GABRA3: variants seen among roughly 807,000 people sequenced by gnomAD.
GABRA3 encodes gamma-aminobutyric acid receptor subunit alpha-3.
Under a neutral mutation model 30.1 loss-of-function variants are expected in GABRA3, and 10 were observed. The observed-to-expected ratio is 0.33, with a 90% confidence interval of 0.20 to 0.56. The LOEUF is 0.56. Ranked by LOEUF, GABRA3 falls within the 20% of genes least tolerant of loss-of-function variation. The probability of loss-of-function intolerance (pLI) is 0.89; values close to 1 mark genes in which losing one functional copy is unlikely to be tolerated. For synonymous variants in GABRA3, 151 were observed against 146.8 expected (o/e 1.03, Z -0.21); for missense variants, 233 against 392.0 (o/e 0.59, Z 3.42).
At chrX:152,362,572 A>AC (rs1227168147) in intron 2 of GABRA3, among the ~76,000 whole-genome samples, 1 of 111,886 alleles carries the variant, frequency 8.9e-6, no homozygotes, top group Non-Finnish European at 1.9e-5. Context: ...TGCATTACAG[A>AC]AAAAAATAGT....
intron 6 of GABRA3, among the ~76,000 whole-genome samples, chrX:152,221,884 C>A (rs1008406731): frequency 9.0e-6 from 1 of 111,487 alleles, no homozygotes; most frequent in African/African-American, 3.3e-5. Flanking sequence ...CTCCCACCCT[C>A]CAAAAACCCC....
intron 1 of GABRA3, among the ~76,000 whole-genome samples, chrX:152,411,806 A>G (rs1368964931): frequency 8.9e-6 from 1 of 111,952 alleles, no homozygotes; most frequent in African/African-American, 3.2e-5. Context: ...GAGAGAAAAT[A>G]TTTGTTCATC....
chrX:152,225,678 ATT>A (rs778734899), intron 5 of GABRA3, among the ~76,000 whole-genome samples: 6 of 101,538 alleles, frequency 5.9e-5, no homozygotes, highest in African/African-American at 2.1e-4. Context: ...TCCCCTTCTG[ATT>A]TTTTTTTTTT....
intron 1 of GABRA3, among the ~76,000 whole-genome samples, chrX:152,444,152 T>A (rs1931005660): frequency 9.0e-6 from 1 of 111,271 alleles, no homozygotes; most frequent in South Asian, 3.8e-4. Flanking sequence ...GATATTACAA[T>A]CTTAAGGTAT....
At chrX:152,435,309 G>C (rs1427784197) in intron 1 of GABRA3, among the ~76,000 whole-genome samples, 1 of 110,978 alleles carries the variant, frequency 9.0e-6, no homozygotes, top group Non-Finnish European at 1.9e-5. Flanking sequence ...TGTTTATTGC[G>C]GCACTGTTCA....
At chrX:152,249,278 T>G (rs1231673624) in intron 5 of GABRA3, among the ~76,000 whole-genome samples, 1 of 111,467 alleles carries the variant, frequency 9.0e-6, no homozygotes, top group African/African-American at 3.3e-5. Flanking sequence ...AGGCACCAAG[T>G]GCCATCAATG....
At chrX:152,243,082 T>C (rs1223404495) in intron 5 of GABRA3, among the ~76,000 whole-genome samples, 1 of 111,952 alleles carries the variant, frequency 8.9e-6, no homozygotes, top group Non-Finnish European at 1.9e-5. Context: ...GAGGACATTA[T>C]CTTAAGCAAA....
intron 9 of GABRA3, among the ~76,000 whole-genome samples, chrX:152,187,016 T>A (rs1187278856): frequency 8.9e-6 from 1 of 112,032 alleles, no homozygotes; most frequent in Non-Finnish European, 1.9e-5. Context: ...TGAGGTTAGA[T>A]AATTTCTCAT....
chrX:152,392,530 G>A (rs1416896889), intron 1 of GABRA3, among the ~76,000 whole-genome samples: 7 of 111,802 alleles, frequency 6.3e-5, no homozygotes, highest in Admixed American at 9.5e-5. Context: ...TACAACCATG[G>A]AAAATTAGCC....
chrX:152,203,386 T>C (rs1051431878), intron 7 of GABRA3, among the ~76,000 whole-genome samples: 16 of 112,271 alleles, frequency 1.4e-4, no homozygotes, highest in Admixed American at 5.7e-4. Context: ...ATAGTATTCA[T>C]ACAGTCATAG....
rs555667393 is a variant in GABRA3 at position 152,175,507 on chromosome X, G to A, written c.1144-6944C>T. 9.0e-5 allele frequency among the ~76,000 whole-genome samples: 10 copies of A among 111,558 alleles called. No individual in the cohort carries two copies. In the East Asian group the frequency reaches 2.8e-3, roughly 32 times the overall value. Reference sequence around the variant, plus strand: ...TAAAGGAGTTCACATCCCAGTTGGGGGGACATGTAATAAACATAGAAGCAA... The same window carrying A: ...TAAAGGAGTTCACATCCCAGTTGGGAGGACATGTAATAAACATAGAAGCAA... On this transcript the variant is annotated intron_variant, in intron 9 of 9. Coordinates refer to ENST00000370314, the MANE Select transcript of GABRA3 (RefSeq NM_000808.4).
intron 1 of GABRA3, among the ~76,000 whole-genome samples, chrX:152,373,027 T>C (rs958102828): frequency 8.9e-6 from 1 of 112,071 alleles, no homozygotes; most frequent in African/African-American, 3.2e-5. Flanking sequence ...ACTCTCTGCC[T>C]TTCAATCTTA....
intron 1 of GABRA3, among the ~76,000 whole-genome samples, chrX:152,407,544 G>A (rs1466529363): frequency 1.8e-5 from 2 of 111,703 alleles, no homozygotes; most frequent in African/African-American, 6.5e-5. Flanking sequence ...TCCAAAAGCT[G>A]AAGAGATCAA....
At chrX:152,419,588 A>G (rs760365649) in intron 1 of GABRA3, among the ~76,000 whole-genome samples, 2 of 111,728 alleles carry the variant, frequency 1.8e-5, no homozygotes, top group East Asian at 2.8e-4. Context: ...CAATACTCCT[A>G]TAACTCTTAA....
rs188184221 is a variant in GABRA3 at position 152,289,297 on chromosome X, T to C, written c.263-4562A>G. 2.8e-3 allele frequency among the ~76,000 whole-genome samples: 306 copies of C among 109,751 alleles called. 10 individuals carry two copies. The highest frequency in any genetic ancestry group is 0.025 in the Admixed American group (247 of 10,016). Reference sequence around the variant, plus strand: ...CCAGCACAATCATGCACATTTATCTTAGTGCTACCCTTTGGATCCACACAA... The same window carrying C: ...CCAGCACAATCATGCACATTTATCTCAGTGCTACCCTTTGGATCCACACAA... On this transcript the variant is annotated intron_variant, in intron 3 of 9. Coordinates refer to ENST00000370314, the MANE Select transcript of GABRA3 (RefSeq NM_000808.4).
intron 4 of GABRA3, among the ~76,000 whole-genome samples, chrX:152,259,189 C>T (rs1396285152): frequency 8.9e-6 from 1 of 111,989 alleles, no homozygotes; most frequent in African/African-American, 3.2e-5. Flanking sequence ...CTAGCCCTAG[C>T]CAGAGGGGAA....
At chrX:152,217,962 T>C (rs955299693) in intron 6 of GABRA3, among the ~76,000 whole-genome samples, 1 of 109,510 alleles carries the variant, frequency 9.1e-6, no homozygotes, top group African/African-American at 3.3e-5. Flanking sequence ...CTTTATTTTA[T>C]TTATTTTTAC....
At chrX:152,274,687 G>C (rs756623237) in intron 4 of GABRA3, among the ~76,000 whole-genome samples, 1 of 110,350 alleles carries the variant, frequency 9.1e-6, no homozygotes, top group Admixed American at 9.8e-5. Context: ...TATTCATAAA[G>C]ATGGCTTAAA....
rs1445713647 is a variant in GABRA3, at chrX:152,167,985, G to A, written c.*243C>T. 2.5e-6 allele frequency: 1 copy of A among 399,634 alleles called. No individual in the cohort carries two copies. The highest frequency in any genetic ancestry group is 4.0e-5 in the East Asian group (1 of 25,277). The allele number at this position is 399,634 out of a possible 1,213,427, so 32.9% of individuals were successfully genotyped here. On this transcript the variant is annotated 3_prime_UTR_variant, in exon 10 of 10. Coordinates refer to ENST00000370314, the MANE Select transcript of GABRA3 (RefSeq NM_000808.4). ...CTAGGGGAGATTGGCAGACTAAGAT[G>A]AGCAACTGGACAAATGGCAGTGTTT...
Sources: gnomAD v4.1 joint callset for allele counts (sites outside exome capture counted in the v4.1 genomes callset) on GRCh38, gnomAD v4.1.1 for gene constraint, MANE v1.5 for transcripts, NCBI Gene and HGNC (gene_info 2026-07-23, HGNC 2026-07-21) for gene names.